Variants in INTS2 observed in about 807,000 individuals in gnomAD.
INTS2 encodes the protein KIAA1287.
A neutral mutation model predicts 139.6 loss-of-function variants in INTS2; 57 were observed. That is an observed-to-expected ratio of 0.41 (90% CI 0.33 to 0.51). INTS2 has a LOEUF of 0.51. Among genes scored for constraint, INTS2 ranks in the 20% least tolerant of loss-of-function variants. INTS2 has a pLI of 0.28. For synonymous variants in INTS2, 473 were observed against 493.4 expected (o/e 0.96, Z 0.55); for missense variants, 1,196 against 1,436.7 (o/e 0.83, Z 2.71).
At chr17:61,892,875 A>G (rs2079309425) in intron 13 of INTS2, among the ~76,000 whole-genome samples, 1 of 149,406 alleles carries the variant, frequency 6.7e-6, no homozygotes, top group Non-Finnish European at 1.5e-5. Context: ...AATCACTTGA[A>G]CCCAGGAGGC....
At chr17:61,905,043 C>A (rs780599043) in intron 8 of INTS2, among the ~76,000 whole-genome samples, 26 of 150,726 alleles carry the variant, frequency 1.7e-4, no homozygotes, top group Admixed American at 8.0e-4. Flanking sequence ...ACCTTCCAGG[C>A]TCAGGTAATC....
At chr17:61,880,169 G>A (rs531012236) in intron 17 of INTS2, among the ~76,000 whole-genome samples, 14 of 152,016 alleles carry the variant, frequency 9.2e-5, no homozygotes, top group Admixed American at 7.2e-4. Context: ...TCAGCCTCCC[G>A]AGCAGCTGGG....
chr17:61,925,179 T>C (rs2079696776), intron 2 of INTS2, 80 bp from the exon 3 acceptor site: 1 of 1,297,914 alleles, frequency 7.7e-7, no homozygotes, highest in Non-Finnish European at 1.1e-6. Flanking sequence ...TTTATTGAAA[T>C]AAGCTATAAA....
At position 61,912,080 on chromosome 17, in the gene INTS2, T is replaced by C. The variant is rs754675192; in HGVS notation, c.650-10A>G. Reference sequence around the variant, plus strand: ...ATCAGGCCCCTACAAACTAACATGATAGAAACCATCTTCTTCAGCCTTCAG... The same window carrying C: ...ATCAGGCCCCTACAAACTAACATGACAGAAACCATCTTCTTCAGCCTTCAG... On this transcript the variant is annotated splice_polypyrimidine_tract_variant and intron_variant, in intron 5 of 24. Transcript: ENST00000251334. The C allele has an allele frequency of 1.4e-5, 22 of 1,610,470 alleles. No homozygotes were observed. Among genetic ancestry groups the C allele is most frequent in the Non-Finnish European group, 1.8e-5 (21 of 1,178,620 alleles).
rs1006311676 is a variant in INTS2, at chr17:61,868,593, G to C, written c.3244+441C>G. ...AAACCAGAAGGTGGTTAAAATATCA[G>C]AATATGTTTTAGAACTTATGAAGAC... On this transcript the variant is annotated intron_variant, in intron 23 of 24. Transcript: ENST00000251334. This position sits in a 1 kb window ranked among gnomAD's most constrained non-coding sequence, Gnocchi z 4.7. Among the ~76,000 whole-genome samples the C allele has an allele frequency of 6.6e-6, 1 of 152,074 alleles. No homozygotes were observed. The highest frequency in any genetic ancestry group is 6.6e-5 in the Admixed American group (1 of 15,254).
At chr17:61,895,722 A>G (rs1264703441) in intron 11 of INTS2, among the ~76,000 whole-genome samples, 1 of 152,144 alleles carries the variant, frequency 6.6e-6, no homozygotes, top group East Asian at 1.9e-4. Context: ...ATATACGCAC[A>G]TATACACACA....
intron 4 of INTS2, among the ~76,000 whole-genome samples, chr17:61,920,815 C>T (rs2143164115): frequency 6.6e-6 from 1 of 151,858 alleles, no homozygotes; most frequent in Admixed American, 6.6e-5. Context: ...AAAAAAAAGA[C>T]AAGGTCTCAC....
rs765879648 is a variant in INTS2 at position 61,869,928 on chromosome 17, T to G, written c.2839A>C (p.Asn947His). ...AACAAGCTATCTGGATTGACACCAT[T>G]TGCTTTCTCCTCTTCAGTAGGTAGG... ...ICLPTEEEKA[N>H]GVNPDSLLRN... Residue 947 changes from asparagine (N) to histidine (H), a missense_variant, in exon 21 of 25, where the codon AAT becomes CAT. By Grantham distance (68) the Asn-to-His change is moderately conservative (BLOSUM62 1). Around this residue, in one of 3 missense-constraint regions of INTS2, gnomAD observed 1,129 missense variants for 1,341.9 expected, o/e 0.84. Transcript: ENST00000251334. This position sits in a 1 kb window ranked among gnomAD's most constrained non-coding sequence, Gnocchi z 5.4. 6.2e-7 allele frequency: 1 copy of G among 1,613,898 alleles called. No individual in the cohort carries two copies. Among genetic ancestry groups the G allele is most frequent in the African/African-American group, 1.3e-5 (1 of 75,068 alleles).
rs1555621257 is a variant in INTS2, at chr17:61,878,944, A to AAAAAAAAAAC, written c.2255-857_2255-856insGTTTTTTTTT. ...AGACCCTGTCTCCAAAAAAAAAAAA[A>AAAAAAAAAAC]AAAAAAAAAACACTTTACTGACCCG... On this transcript the variant is annotated intron_variant, in intron 17 of 24. Coordinates refer to ENST00000251334, the MANE Select transcript of INTS2 (RefSeq NM_001351695.2). Among the ~76,000 whole-genome samples, 247 of 137,266 alleles carry AAAAAAAAAAC rather than the reference A, an allele frequency of 1.8e-3. 20 individuals are homozygous for AAAAAAAAAAC. The highest frequency in any genetic ancestry group is 8.0e-3 in the African/African-American group (229 of 28,804). The allele number at this position is 137,266 out of a possible 152,430, so 90.1% of individuals were successfully genotyped here. A position where few individuals can be genotyped will look rare whatever the true frequency, so the allele number is the denominator to read the frequency against.
intron 14 of INTS2, among the ~76,000 whole-genome samples, chr17:61,891,296 G>A (rs2079290779): frequency 6.6e-6 from 1 of 151,762 alleles, no homozygotes; most frequent in Non-Finnish European, 1.5e-5. Flanking sequence ...TAGGCAACAA[G>A]AGTAAAACTC....
chr17:61,881,138 G>C lies in INTS2; in HGVS notation c.2123C>G (p.Thr708Ser). Residue 708 changes from threonine (T) to serine (S), a missense_variant, in exon 17 of 25, where the codon ACT becomes AGT. Thr to Ser is a moderately conservative substitution (Grantham distance 58, BLOSUM62 1). Around this residue, in one of 3 missense-constraint regions of INTS2, gnomAD observed 1,129 missense variants for 1,341.9 expected, o/e 0.84. Transcript: ENST00000251334. ...CACAATACATAAATGTGGGTAGTTAGTAGCAAGGAGACGTAGTAAAGCTGA... is the reference window on the plus strand; with the variant it reads ...CACAATACATAAATGTGGGTAGTTACTAGCAAGGAGACGTAGTAAAGCTGA... ...LHSALLRLLA[T>S]NYPHLCIVDD... The C allele has an allele frequency of 6.2e-7, 1 of 1,613,466 alleles. No homozygotes were observed. Among genetic ancestry groups the C allele is most frequent in the East Asian group, 2.2e-5 (1 of 44,866 alleles).
At position 61,909,642 on chromosome 17, in the gene INTS2, T is replaced by A. The variant is rs2079502560; in HGVS notation, c.954+1878A>T. Among the ~76,000 whole-genome samples, 1 of 151,622 alleles carries A rather than the reference T, an allele frequency of 6.6e-6. No individual in the cohort carries two copies. Among genetic ancestry groups the A allele is most frequent in the Non-Finnish European group, 1.5e-5 (1 of 67,872 alleles). ...TGTACACATGATTAGCACCCACTCA[T>A]AATTGAGAATATGCAATATTTGACT... On this transcript the variant is annotated intron_variant, in intron 7 of 24. Transcript: ENST00000251334. The surrounding 1 kb of genome is among the most constrained non-coding windows in gnomAD (Gnocchi z 4.9).
Position 61,867,718 on chromosome 17 carries a change from G to C in INTS2, c.3430C>G (p.Gln1144Glu), listed in dbSNP as rs1251639102. Residue 1144 changes from glutamine (Q) to glutamate (E), a missense_variant, in exon 25 of 25, where the codon CAA (glutamine) becomes GAA (glutamate). This residue lies in a region of INTS2 where 1,129 missense variants were observed against 1,341.9 expected (regional missense o/e 0.84). Transcript: ENST00000251334. The surrounding 1 kb of genome is among the most constrained non-coding windows in gnomAD (Gnocchi z 5.6). ...DIDPIITRLQ[Q>E]IKEKPSGWSQ... ...CATCCACTTGGTTTCTCCTTTATTT[G>C]TTGAAGACCTACAACATAAGGGAAA... The C allele has an allele frequency of 1.4e-5, 23 of 1,592,986 alleles. No individual in the cohort carries two copies. The highest frequency in any genetic ancestry group is 2.0e-5 in the Non-Finnish European group (23 of 1,169,830).
At chr17:61,895,168 T>C (rs1437802701) in intron 12 of INTS2, 147 bp downstream of exon 12, 25 of 577,892 alleles carry the variant, frequency 4.3e-5, no homozygotes, top group Middle Eastern at 4.5e-4. Context: ...GATTATTCTT[T>C]AAGAAAGTTT....
In INTS2 at chr17:61,869,187, G is replaced by C. The variant is rs1382693011; in HGVS notation, c.3139-48C>G. 9.5e-6 allele frequency: 14 copies of C among 1,472,222 alleles called. No individual in the cohort carries two copies. The highest frequency in any genetic ancestry group is 1.3e-5 in the Non-Finnish European group (14 of 1,055,522). 91.2% of individuals were successfully genotyped at this position (1,472,222 alleles called of 1,614,324 possible). On this transcript the variant is annotated intron_variant, in intron 22 of 24. Transcript: ENST00000251334. The surrounding 1 kb of genome is among the most constrained non-coding windows in gnomAD (Gnocchi z 5.4). ...TACATGTTTCTCAAGAATATCTTTAGGTATTAAAAATTATAAAATGTTTTG... is the reference window on the plus strand; with the variant it reads ...TACATGTTTCTCAAGAATATCTTTACGTATTAAAAATTATAAAATGTTTTG...
At chr17:61,889,138 A>T (rs1437746585) in intron 15 of INTS2, among the ~76,000 whole-genome samples, 1 of 149,334 alleles carries the variant, frequency 6.7e-6, no homozygotes, top group Non-Finnish European at 1.5e-5. Context: ...ACCAGGCTGG[A>T]GTGCAGTGGC....
At position 61,869,200 on chromosome 17, in the gene INTS2, A is replaced by G. The variant is rs1391677488; in HGVS notation, c.3139-61T>C. ...AGAATATCTTTAGGTATTAAAAATT[A>G]TAAAATGTTTTGTATAACTAGTAAG... On this transcript the variant is annotated intron_variant, in intron 22 of 24. Coordinates refer to ENST00000251334, the MANE Select transcript of INTS2 (RefSeq NM_001351695.2). The surrounding 1 kb of genome is among the most constrained non-coding windows in gnomAD (Gnocchi z 5.4). 6 of 1,473,790 alleles carry G rather than the reference A, an allele frequency of 4.1e-6. No homozygotes were observed. The highest frequency in any genetic ancestry group is 4.7e-6 in the Non-Finnish European group (5 of 1,059,266). 91.3% of individuals were successfully genotyped at this position (1,473,790 alleles called of 1,614,324 possible).
chr17:61,919,624 G>C, intron 4 of INTS2, 111 bp from the exon 5 acceptor site: 1 of 626,776 alleles, frequency 1.6e-6, no homozygotes, highest in Non-Finnish European at 2.8e-6. Flanking sequence ...TTGCCCAGGT[G>C]GGTCTCAAAC....
rs2079100298 is a variant in INTS2, at chr17:61,872,898, T to C, written c.2583-438A>G. On this transcript the variant is annotated intron_variant, in intron 19 of 24. Coordinates refer to ENST00000251334, the MANE Select transcript of INTS2 (RefSeq NM_001351695.2). This position sits in a 1 kb window ranked among gnomAD's most constrained non-coding sequence, Gnocchi z 4.8. ...ATGTCCAGTCTAATAAGAATATAAA[T>C]TAAAATGGGAATCTATTTTCACCTA... Among the ~76,000 whole-genome samples, 1 of 152,126 alleles carries C rather than the reference T, an allele frequency of 6.6e-6. No individual in the cohort carries two copies. Among genetic ancestry groups the C allele is most frequent in the Admixed American group, 6.6e-5 (1 of 15,266 alleles).
Sources: allele counts gnomAD v4.1 joint callset (sites outside exome capture counted in the v4.1 genomes callset), GRCh38; gene constraint gnomAD v4.1.1; regional missense constraint gnomAD v4.1.1; non-coding constraint Gnocchi (gnomAD v3.1); transcripts MANE v1.5; gene names NCBI Gene and HGNC (gene_info 2026-07-23, HGNC 2026-07-21).